The following ZC3H12B variants were observed in gnomAD, a reference collection of about 807,000 sequenced individuals.
The protein encoded by ZC3H12B is probable ribonuclease ZC3H12B.
In ZC3H12B, 7 loss-of-function variants were observed where a neutral mutation model predicts 43.9. The observed-to-expected ratio is 0.16, with a 90% confidence interval of 0.09 to 0.30. The LOEUF is 0.30. Ranked by LOEUF, ZC3H12B falls within the 10% of genes least tolerant of loss-of-function variation. ZC3H12B has a pLI of 1.00. For missense variants in ZC3H12B, 475 were observed against 670.2 expected (o/e 0.71, Z 3.22); for synonymous variants, 222 against 241.7 (o/e 0.92, Z 0.76).
At chrX:65,384,263 A>G (rs376320929) in intron 2 of ZC3H12B, among the ~76,000 whole-genome samples, 2 of 105,574 alleles carry the variant, frequency 1.9e-5, no homozygotes, top group African/African-American at 3.4e-5. Context: ...GTAAACTATC[A>G]CAAGAACAAA....
At chrX:65,451,620 A>C (rs981761663) in intron 3 of ZC3H12B, among the ~76,000 whole-genome samples, 1 of 111,917 alleles carries the variant, frequency 8.9e-6, no homozygotes, top group African/African-American at 3.2e-5. Context: ...TATTACAGGC[A>C]TCAGCCACTG....
the ZC3H12B span, among the ~76,000 whole-genome samples, chrX:65,264,778 G>A: frequency 2.7e-5 from 3 of 111,685 alleles, no homozygotes; most frequent in Admixed American, 9.5e-5. Flanking sequence ...AAATGTCTGT[G>A]TACTTTCCAC....
In ZC3H12B at chrX:65,397,780, G is replaced by C. The variant is rs1024760585; in HGVS notation, n.296-813G>C. On this transcript the variant is annotated intron_variant and non_coding_transcript_variant, in intron 2 of 5. Coordinates refer to the ZC3H12B transcript ENST00000617377. ...AGCATAGTACTAGAAGTCCAAGCTA[G>C]ACCAATCAGATAAGAGAAAGAAATG... Among the ~76,000 whole-genome samples the C allele has an allele frequency of 2.7e-5, 3 of 111,712 alleles. No individual in the cohort carries two copies. In the Admixed American group the frequency reaches 2.9e-4, roughly 11 times the overall value.
At chrX:65,413,605 T>C (rs2066928582) in intron 3 of ZC3H12B, among the ~76,000 whole-genome samples, 1 of 112,565 alleles carries the variant, frequency 8.9e-6, no homozygotes, top group Admixed American at 9.4e-5. Flanking sequence ...TATGGACTTA[T>C]TTCTGTACTC....
chrX:65,428,093 A>G (rs77769145), intron 3 of ZC3H12B, among the ~76,000 whole-genome samples: 3 of 111,911 alleles, frequency 2.7e-5, no homozygotes, highest in African/African-American at 6.5e-5. Flanking sequence ...CTGGCCTACA[A>G]TCTCTCCTGG....
chrX:65,197,948 G>A, the ZC3H12B span, among the ~76,000 whole-genome samples: 6 of 112,193 alleles, frequency 5.3e-5, no homozygotes, highest in Middle Eastern at 4.6e-3. Context: ...AGCCAGCCCT[G>A]TTCACTCTTT....
chrX:65,428,743 C>G (rs947704895), intron 3 of ZC3H12B, among the ~76,000 whole-genome samples: 11 of 112,326 alleles, frequency 9.8e-5, no homozygotes, highest in Admixed American at 9.4e-4. Context: ...CCTTCTGAAG[C>G]CTACTTCTGT....
chrX:65,327,804 A>T, the ZC3H12B span, among the ~76,000 whole-genome samples: 3 of 111,973 alleles, frequency 2.7e-5, no homozygotes, highest in African/African-American at 9.7e-5. Context: ...TGAAATTTTA[A>T]AAAGGTAAGA....
At chrX:65,278,395 C>A in the ZC3H12B span, among the ~76,000 whole-genome samples, 1 of 111,397 alleles carries the variant, frequency 9.0e-6, no homozygotes, top group East Asian at 2.8e-4. Flanking sequence ...CACCCCTTTC[C>A]CAGAAAACTT....
chrX:65,170,256 TTGTC>T, the ZC3H12B span, among the ~76,000 whole-genome samples: 1 of 111,667 alleles, frequency 9.0e-6, no homozygotes, highest in Non-Finnish European at 1.9e-5. Context: ...CAGCACTTGT[TTGTC>T]TGTAAAGTAT....
chrX:65,275,358 C>T, the ZC3H12B span, among the ~76,000 whole-genome samples: 2 of 112,924 alleles, frequency 1.8e-5, no homozygotes, highest in Admixed American at 9.3e-5. Context: ...CTGCAGGCTG[C>T]TCCTGGCAGT....
At chrX:65,451,921 G>A (rs1000917879) in intron 3 of ZC3H12B, among the ~76,000 whole-genome samples, 2 of 111,988 alleles carry the variant, frequency 1.8e-5, no homozygotes, top group Non-Finnish European at 3.8e-5. Flanking sequence ...CTGAGCTGCT[G>A]CTGCTTTTTT....
At chrX:65,184,055 A>G in the ZC3H12B span, among the ~76,000 whole-genome samples, 2 of 110,430 alleles carry the variant, frequency 1.8e-5, no homozygotes, top group Non-Finnish European at 3.8e-5. Flanking sequence ...TCAGTTTTGA[A>G]CTCCTATTGA....
At chrX:65,470,730 C>A (rs763940195) in intron 3 of ZC3H12B, among the ~76,000 whole-genome samples, 1 of 111,733 alleles carries the variant, frequency 8.9e-6, no homozygotes, top group South Asian at 3.8e-4. Flanking sequence ...AGAGGCCCTG[C>A]TGGCCCACTG....
the ZC3H12B span, among the ~76,000 whole-genome samples, chrX:65,299,555 C>T: frequency 8.9e-6 from 1 of 111,830 alleles, no homozygotes; most frequent in Non-Finnish European, 1.9e-5. Flanking sequence ...CCTGAACCGA[C>T]AAATAATAAT....
At chrX:65,193,101 G>T in the ZC3H12B span, among the ~76,000 whole-genome samples, 1 of 98,720 alleles carries the variant, frequency 1.0e-5, no homozygotes, top group Non-Finnish European at 1.9e-5. Context: ...AGTGATATTG[G>T]CCTGAAGGTT....
At chrX:65,061,216 G>A in the ZC3H12B span, among the ~76,000 whole-genome samples, 2 of 110,930 alleles carry the variant, frequency 1.8e-5, no homozygotes, top group South Asian at 7.6e-4. Flanking sequence ...TGTTACGTAG[G>A]TATACATGTG....
the ZC3H12B span, among the ~76,000 whole-genome samples, chrX:65,252,807 G>A: frequency 8.9e-6 from 1 of 112,068 alleles, no homozygotes; most frequent in Non-Finnish European, 1.9e-5. Context: ...AGAAAGTTCA[G>A]AAAAGTACTG....
the ZC3H12B span, among the ~76,000 whole-genome samples, chrX:65,081,247 G>A: frequency 1.9e-4 from 21 of 110,792 alleles, no homozygotes; most frequent in South Asian, 3.8e-4. Flanking sequence ...CAACCGGAAC[G>A]CAAATATCAA....
Sources: gnomAD v4.1 joint callset for allele counts (sites outside exome capture counted in the v4.1 genomes callset) on GRCh38, gnomAD v4.1.1 for gene constraint, MANE v1.5 for transcripts, NCBI Gene and HGNC (gene_info 2026-07-23, HGNC 2026-07-21) for gene names.